Variants in MACROD2 observed in about 807,000 individuals in gnomAD.
MACROD2 encodes the protein mono-ADP ribosylhydrolase 2.
Under a neutral mutation model 70.4 loss-of-function variants are expected in MACROD2, and 36 were observed. The observed-to-expected ratio is 0.51, with a 90% CI of 0.39 to 0.68. MACROD2 has a LOEUF of 0.68. Among genes scored for constraint, MACROD2 ranks in the 30% least tolerant of loss-of-function variants. The pLI is 0.00. For synonymous variants in MACROD2, 172 were observed against 178.8 expected (o/e 0.96, Z 0.30); for missense variants, 496 against 538.4 (o/e 0.92, Z 0.78).
At chr20:15,080,552 A>G (rs1396452058) in intron 5 of MACROD2, among the ~76,000 whole-genome samples, 2 of 152,066 alleles carry the variant, frequency 1.3e-5, no homozygotes, top group Admixed American at 1.3e-4. Context: ...TCCAGGGCTC[A>G]GTTCTTGGAC....
intron 4 of MACROD2, among the ~76,000 whole-genome samples, chr20:14,654,104 A>G (rs896868314): frequency 4.6e-5 from 7 of 152,078 alleles, no homozygotes; most frequent in Non-Finnish European, 7.4e-5. Context: ...TCTGGCACAT[A>G]ATATATTATA....
At chr20:15,894,219 A>G (rs1341863977) in intron 10 of MACROD2, among the ~76,000 whole-genome samples, 1 of 152,198 alleles carries the variant, frequency 6.6e-6, no homozygotes, top group Non-Finnish European at 1.5e-5. Flanking sequence ...TTCCGGTGCT[A>G]AGTAATGACG....
At chr20:15,498,955 T>G (rs1188122101) in intron 7 of MACROD2, among the ~76,000 whole-genome samples, 2 of 152,200 alleles carry the variant, frequency 1.3e-5, no homozygotes, top group Non-Finnish European at 2.9e-5. Context: ...GAGCGTAGTT[T>G]CAGTAGCATA....
chr20:14,824,027 C>T (rs977825788), intron 5 of MACROD2, among the ~76,000 whole-genome samples: 1 of 152,026 alleles, frequency 6.6e-6, no homozygotes, highest in Non-Finnish European at 1.5e-5. Flanking sequence ...TCATGGACTG[C>T]AGGAGGAGAA....
intron 3 of MACROD2, among the ~76,000 whole-genome samples, chr20:14,227,398 A>G (rs1466220303): frequency 3.3e-5 from 5 of 152,132 alleles, no homozygotes; most frequent in South Asian, 4.1e-4. Context: ...TATGAGATGT[A>G]ACACTCACCA....
chr20:15,508,812 T>G (rs1351977477), intron 8 of MACROD2, among the ~76,000 whole-genome samples: 2 of 152,204 alleles, frequency 1.3e-5, no homozygotes, highest in East Asian at 3.9e-4. Context: ...CCTACCATTT[T>G]GGAAGGTTCT....
At chr20:14,061,109 A>G (rs556657396) in intron 2 of MACROD2, among the ~76,000 whole-genome samples, 4 of 152,072 alleles carry the variant, frequency 2.6e-5, no homozygotes, top group Non-Finnish European at 5.9e-5. Flanking sequence ...AACAACATGC[A>G]CTCTCACACT....
At chr20:15,952,513 A>T (rs1412506139) in intron 12 of MACROD2, among the ~76,000 whole-genome samples, 1 of 152,050 alleles carries the variant, frequency 6.6e-6, no homozygotes, top group Non-Finnish European at 1.5e-5. Context: ...TGGATATCCA[A>T]CCACCTGATT....
intron 4 of MACROD2, among the ~76,000 whole-genome samples, chr20:14,635,536 T>A (rs1036980601): frequency 6.6e-6 from 1 of 152,154 alleles, no homozygotes; most frequent in Non-Finnish European, 1.5e-5. Flanking sequence ...AATACAAAGG[T>A]AAAAAATGCA....
At chr20:15,073,988 T>C (rs1490633994) in intron 5 of MACROD2, among the ~76,000 whole-genome samples, 9 of 152,216 alleles carry the variant, frequency 5.9e-5, no homozygotes, top group Non-Finnish European at 4.4e-5. Context: ...TATAGTCTGC[T>C]GAAATACAAT....
At chr20:16,001,042 C>A (rs1251636948) in intron 15 of MACROD2, among the ~76,000 whole-genome samples, 1 of 152,334 alleles carries the variant, frequency 6.6e-6, no homozygotes, top group Non-Finnish European at 1.5e-5. Context: ...ACATCAGGTG[C>A]AAGAACTTCC....
chr20:14,410,337 G>C (rs1568599600), intron 3 of MACROD2, among the ~76,000 whole-genome samples: 1 of 151,568 alleles, frequency 6.6e-6, no homozygotes, highest in Non-Finnish European at 1.5e-5. Context: ...CACCCAGGTA[G>C]TGAGCATAGT....
At chr20:14,347,814 G>A (rs2083079254) in intron 3 of MACROD2, among the ~76,000 whole-genome samples, 1 of 152,180 alleles carries the variant, frequency 6.6e-6, no homozygotes, top group African/African-American at 2.4e-5. Context: ...ATGGGACATG[G>A]GGCCAACATG....
intron 8 of MACROD2, among the ~76,000 whole-genome samples, chr20:15,716,124 C>G (rs1265582693): frequency 6.6e-6 from 1 of 152,160 alleles, no homozygotes; most frequent in Non-Finnish European, 1.5e-5. Flanking sequence ...TGCTAATTCT[C>G]TTTCAACCAG....
At chr20:14,498,838 A>G (rs563869543) in intron 4 of MACROD2, among the ~76,000 whole-genome samples, 2 of 152,322 alleles carry the variant, frequency 1.3e-5, no homozygotes, top group South Asian at 2.1e-4. Context: ...CCACATACAC[A>G]ACGGCTTTCC....
intron 4 of MACROD2, among the ~76,000 whole-genome samples, chr20:14,669,802 G>A (rs2070774819): frequency 6.6e-6 from 1 of 151,908 alleles, no homozygotes; most frequent in South Asian, 2.1e-4. Context: ...TCTGGTCTCT[G>A]AAGGAGACTT....
intron 3 of MACROD2, among the ~76,000 whole-genome samples, chr20:14,235,530 T>A (rs1182387394): frequency 3.3e-5 from 5 of 152,168 alleles, no homozygotes; most frequent in Non-Finnish European, 5.9e-5. Flanking sequence ...ATGACTCATT[T>A]TTTGCCCTTA....
chr20:15,716,603 A>T lies in MACROD2; in HGVS notation c.646-146142A>T, dbSNP rs1166803493. 7.9e-5 allele frequency among the ~76,000 whole-genome samples: 12 copies of T among 152,200 alleles called. 1 individual carries two copies. Among genetic ancestry groups the T allele is most frequent in the Admixed American group, 7.9e-4 (12 of 15,278 alleles). Reference sequence around the variant, plus strand: ...TACTTTACCCCCAATTCTATTTTACAGTGTTTTAAAAAACTTTTTTTGTTG... The same window carrying T: ...TACTTTACCCCCAATTCTATTTTACTGTGTTTTAAAAAACTTTTTTTGTTG... On this transcript the variant is annotated intron_variant, in intron 8 of 17. Coordinates refer to ENST00000684519, the MANE Select transcript of MACROD2 (RefSeq NM_001351661.2).
intron 4 of MACROD2, among the ~76,000 whole-genome samples, chr20:14,618,385 C>A (rs141430998): frequency 6.6e-5 from 10 of 152,236 alleles, no homozygotes; most frequent in African/African-American, 2.4e-4. Flanking sequence ...GCAGTGTAAT[C>A]TTCAACAAAT....
Sources: allele counts gnomAD v4.1 joint callset (sites outside exome capture counted in the v4.1 genomes callset), GRCh38; gene constraint gnomAD v4.1.1; transcripts MANE v1.5; gene names NCBI Gene and HGNC (gene_info 2026-07-23, HGNC 2026-07-21).